Variants in UNC13C observed in about 807,000 individuals in gnomAD.
UNC13C encodes the protein unc-13 homolog C.
In UNC13C, 174 loss-of-function variants were observed where a neutral mutation model predicts 245.4. The observed-to-expected ratio is 0.71, with a 90% CI of 0.63 to 0.80. The LOEUF (loss-of-function observed/expected upper bound fraction) is 0.80, where lower values mean the gene tolerates loss of function less well. UNC13C is among the 30% of genes least tolerant of loss of function. The pLI, the probability that UNC13C is intolerant of heterozygous loss-of-function variation, is 0.00. For missense variants in UNC13C, 2,829 were observed against 2,602.9 expected (o/e 1.09, Z -1.89); for synonymous variants, 992 against 895.1 (o/e 1.11, Z -1.93).
intron 6 of UNC13C, among the ~76,000 whole-genome samples, chr15:54,236,813 G>A (rs930366514): frequency 6.6e-6 from 1 of 152,174 alleles, no homozygotes; most frequent in Non-Finnish European, 1.5e-5. Context: ...ATGCTGAGGA[G>A]ATATGTATAT....
intron 19 of UNC13C, among the ~76,000 whole-genome samples, chr15:54,478,007 G>C (rs977320480): frequency 1.0e-4 from 15 of 150,058 alleles, no homozygotes; most frequent in Non-Finnish European, 1.6e-4. Flanking sequence ...GGTCTATTCA[G>C]AGATTCATCT....
the UNC13C span, among the ~76,000 whole-genome samples, chr15:53,915,419 G>T: frequency 6.6e-6 from 1 of 152,184 alleles, no homozygotes; most frequent in African/African-American, 2.4e-5. Context: ...TATTACAGAG[G>T]CCTAAAGAGA....
chr15:53,968,509 G>C, the UNC13C span, among the ~76,000 whole-genome samples: 1 of 152,078 alleles, frequency 6.6e-6, no homozygotes, highest in East Asian at 1.9e-4. Context: ...CAAAGGAAAG[G>C]GGGTTCTTAG....
intron 19 of UNC13C, among the ~76,000 whole-genome samples, chr15:54,433,535 C>T (rs2040915109): frequency 6.6e-6 from 1 of 151,970 alleles, no homozygotes; most frequent in African/African-American, 2.4e-5. Flanking sequence ...ATTCAATACC[C>T]CTTCATGCTA....
intron 18 of UNC13C, among the ~76,000 whole-genome samples, chr15:54,412,979 G>A (rs1209942566): frequency 2.6e-5 from 4 of 152,080 alleles, no homozygotes; most frequent in African/African-American, 9.7e-5. Context: ...TTTAAATCAT[G>A]AATGAATGTT....
chr15:54,252,879 A>G (rs2036188295), intron 8 of UNC13C, among the ~76,000 whole-genome samples: 2 of 152,152 alleles, frequency 1.3e-5, no homozygotes, highest in Non-Finnish European at 1.5e-5. Context: ...TTAACTCATG[A>G]CTTTAGAATG....
chr15:54,030,397 T>C (rs1005760420), intron 2 of UNC13C, among the ~76,000 whole-genome samples: 3 of 151,844 alleles, frequency 2.0e-5, no homozygotes, highest in African/African-American at 7.2e-5. Flanking sequence ...GTGAACAATA[T>C]AAAGGTAACT....
chr15:53,946,967 T>C, the UNC13C span, among the ~76,000 whole-genome samples: 2 of 152,176 alleles, frequency 1.3e-5, no homozygotes, highest in African/African-American at 2.4e-5. Flanking sequence ...TAAAAAGTCA[T>C]TAACACAGAG....
chr15:54,175,506 G>T (rs1457199338), intron 4 of UNC13C, among the ~76,000 whole-genome samples: 2 of 118,800 alleles, frequency 1.7e-5, no homozygotes, highest in Non-Finnish European at 3.3e-5. Flanking sequence ...TGTGGCCCTA[G>T]AATTTTTTTT....
intron 29 of UNC13C, among the ~76,000 whole-genome samples, chr15:54,558,774 T>A (rs1434641066): frequency 6.6e-6 from 1 of 151,906 alleles, no homozygotes; most frequent in Non-Finnish European, 1.5e-5. Context: ...AAATCAACAA[T>A]GTTTGAAAGT....
intron 13 of UNC13C, among the ~76,000 whole-genome samples, chr15:54,309,994 A>ACTTT (rs2037826445): frequency 6.6e-6 from 1 of 151,834 alleles, no homozygotes; most frequent in African/African-American, 2.4e-5. Context: ...TTACTTGCAA[A>ACTTT]AGTAAAGTCA....
chr15:54,101,175 C>G (rs1254651694), intron 2 of UNC13C, among the ~76,000 whole-genome samples: 2 of 151,952 alleles, frequency 1.3e-5, no homozygotes, highest in African/African-American at 2.4e-5. Flanking sequence ...ACTCTAATAT[C>G]TGGATAACCT....
At chr15:53,977,556 A>G (rs1893750294), upstream of UNC13C, among the ~76,000 whole-genome samples, 1 of 152,206 alleles carries the variant, frequency 6.6e-6, no homozygotes, top group South Asian at 2.1e-4. Flanking sequence ...CTAAAAAGCA[A>G]AGAAAAGTAA....
intron 17 of UNC13C, among the ~76,000 whole-genome samples, chr15:54,357,324 G>A (rs1317482226): frequency 6.6e-6 from 1 of 151,868 alleles, no homozygotes; most frequent in Non-Finnish European, 1.5e-5. Flanking sequence ...ATCAACAAAT[G>A]TTTTTGCTTT....
At chr15:54,159,273 C>T (rs750896209) in intron 4 of UNC13C, among the ~76,000 whole-genome samples, 3 of 152,172 alleles carry the variant, frequency 2.0e-5, no homozygotes, top group Non-Finnish European at 4.4e-5. Context: ...TCAAATTCTT[C>T]GTAGACCGCA....
chr15:54,409,046 C>T (rs2040365062), intron 18 of UNC13C, among the ~76,000 whole-genome samples: 2 of 152,032 alleles, frequency 1.3e-5, no homozygotes, highest in African/African-American at 2.4e-5. Context: ...AACTGAAGTC[C>T]TGTAGAGAGT....
At chr15:53,854,488 G>A in the UNC13C span, among the ~76,000 whole-genome samples, 4 of 151,986 alleles carry the variant, frequency 2.6e-5, no homozygotes, top group Non-Finnish European at 5.9e-5. Flanking sequence ...GTAAGGAAGG[G>A]GTCCAGTTTT....
At chr15:54,516,443 C>A (rs773551591) in intron 24 of UNC13C, among the ~76,000 whole-genome samples, 5 of 152,116 alleles carry the variant, frequency 3.3e-5, no homozygotes, top group Non-Finnish European at 7.4e-5. Flanking sequence ...TCTAACGAAT[C>A]TCTGGGTGAC....
chr15:54,430,188 G>A (rs2040843923), intron 19 of UNC13C, among the ~76,000 whole-genome samples: 1 of 151,540 alleles, frequency 6.6e-6, no homozygotes, highest in African/African-American at 2.4e-5. Context: ...TAAGAAAAAA[G>A]CTATTCATTC....
Sources: allele counts gnomAD v4.1 joint callset (sites outside exome capture counted in the v4.1 genomes callset), GRCh38; gene constraint gnomAD v4.1.1; transcripts MANE v1.5; gene names NCBI Gene and HGNC (gene_info 2026-07-23, HGNC 2026-07-21).